The following INKA2 variants were observed in gnomAD, a reference collection of about 807,000 sequenced individuals.
INKA2 encodes the protein inka box actin regulator 2.
In INKA2, 3 loss-of-function variants were observed where a neutral mutation model predicts 9.8. The ratio of observed to expected loss-of-function variants is 0.31; its 90% confidence interval spans 0.14 to 0.79. The LOEUF (loss-of-function observed/expected upper bound fraction) is 0.79, where lower values mean the gene tolerates loss of function less well. INKA2 is among the 30% of genes least tolerant of loss of function. The pLI is 0.62. For synonymous variants in INKA2, 147 were observed against 143.3 expected (o/e 1.03, Z -0.18); for missense variants, 392 against 384.4 (o/e 1.02, Z -0.17).
chr1:111,755,491 G>GT, intron 1 of INKA2: 1 of 585,772 alleles, frequency 1.7e-6, no homozygotes, highest in Non-Finnish European at 3.0e-6. Context: ...TTGGGGAAGA[G>GT]GTGGCCGCGA....
chr1:111,727,301 T>C lies in INKA2; in HGVS notation c.561A>G (p.Ala187=), dbSNP rs773423638. The change falls in exon 2 of 2, where the codon GCA becomes GCG. Residue 187 remains alanine, a synonymous_variant. Transcript: ENST00000357260. The stretch of plus-strand genomic sequence containing the variant: ...GGCCTTTCTCTCCTTTGGGTTCACG[T>C]GCCCCCCCAGTCTCACCCTTCTCCC... ...KGGEKGETGG[A]REPKGEKGQP... is the part of the protein sequence containing the mutation. 6.2e-7 allele frequency: 1 copy of C among 1,614,186 alleles called. No homozygotes were observed. The highest frequency in any genetic ancestry group is 1.7e-5 in the Admixed American group (1 of 60,020).
At chr1:111,739,017 T>C (rs893648812) in intron 1 of INKA2, among the ~76,000 whole-genome samples, 169 bp downstream of exon 1, 1 of 152,044 alleles carries the variant, frequency 6.6e-6, no homozygotes, top group African/African-American at 2.4e-5. Context: ...CGTGGTCCCC[T>C]TTCCTGAGGA....
rs967683914 is a variant in INKA2, at chr1:111,725,751, A to G, written c.*1217T>C. ...ACTGTTTTTTTTTATTTTTTTTGAG[A>G]CAGGGGAGTCTTGCTCTGTCAGCCA... On this transcript the variant is annotated 3_prime_UTR_variant, in exon 2 of 2. Coordinates refer to ENST00000357260, the MANE Select transcript of INKA2 (RefSeq NM_019099.5). 1 of 199,584 alleles carries G rather than the reference A, an allele frequency of 5.0e-6. No homozygotes were observed. Among genetic ancestry groups the G allele is most frequent in the African/African-American group, 2.3e-5 (1 of 42,804 alleles). The allele number at this position is 199,584 out of a possible 1,614,324, so 12.4% of individuals were successfully genotyped here.
At chr1:111,739,005 T>C (rs1663075155) in intron 1 of INKA2, among the ~76,000 whole-genome samples, 181 bp downstream of exon 1, 1 of 152,090 alleles carries the variant, frequency 6.6e-6, no homozygotes, top group South Asian at 2.1e-4. Flanking sequence ...TCAAAGTTTC[T>C]TCGTGGTCCC....
In INKA2 at chr1:111,755,505, G is replaced by A. The variant is rs1557919392; in HGVS notation, n.124+196C>T. 4 of 614,062 alleles carry A rather than the reference G, an allele frequency of 6.5e-6. No individual in the cohort carries two copies. In the East Asian group the frequency reaches 1.2e-4, roughly 19 times the overall value. 38.0% of individuals were successfully genotyped at this position (614,062 alleles called of 1,614,324 possible). ...GTTGGGGAAGAGGTGGCCGCGAAGC[G>A]AGACAGGCCAGCGGAACGGAAAACG... is the stretch of plus-strand genomic sequence containing the variant. On this transcript the variant is annotated intron_variant and non_coding_transcript_variant, in intron 1 of 1. Transcript: ENST00000444059.
intron 1 of INKA2, among the ~76,000 whole-genome samples, chr1:111,729,929 C>G (rs1037726677): frequency 6.6e-6 from 1 of 152,258 alleles, no homozygotes; most frequent in African/African-American, 2.4e-5. Context: ...GCAAGGAGGC[C>G]TTTGCTGGGG....
upstream of INKA2, among the ~76,000 whole-genome samples, chr1:111,741,658 C>G (rs180857515): frequency 6.6e-6 from 1 of 152,336 alleles, no homozygotes; most frequent in African/African-American, 2.4e-5. Context: ...CAGTCTCCAG[C>G]ACGGTAGTCA....
chr1:111,726,913 G>A lies in INKA2; in HGVS notation c.*55C>T. On this transcript the variant is annotated 3_prime_UTR_variant, in exon 2 of 2. Transcript: ENST00000357260. ...CGCCCACCCTCCCTCCTCCCCAGGG[G>A]CCCAGCACTGGGACCTGGCCCTTTC... 6.5e-7 allele frequency: 1 copy of A among 1,531,712 alleles called. No homozygotes were observed. Among genetic ancestry groups the A allele is most frequent in the Admixed American group, 1.8e-5 (1 of 54,904 alleles). The allele number at this position is 1,531,712 out of a possible 1,614,324, so 94.9% of individuals were successfully genotyped here.
intron 1 of INKA2, chr1:111,755,048 T>G (rs1438451906): frequency 1.4e-5 from 2 of 143,032 alleles, no homozygotes; most frequent in East Asian, 4.1e-4. Flanking sequence ...GCTAGCTGCC[T>G]ACGCATGAAA....
intron 1 of INKA2, chr1:111,753,807 A>T (rs1663460786): frequency 6.6e-6 from 1 of 152,272 alleles, no homozygotes; most frequent in Admixed American, 6.5e-5. Flanking sequence ...AATGTGAGGC[A>T]CATACAAGTA....
At chr1:111,730,772 C>T (rs1268579829) in intron 1 of INKA2, among the ~76,000 whole-genome samples, 1 of 151,226 alleles carries the variant, frequency 6.6e-6, no homozygotes, top group Non-Finnish European at 1.5e-5. Context: ...GTATCTACTC[C>T]TTGAGGACAG....
chr1:111,727,906 G>A (rs1471764529), intron 1 of INKA2, 102 bp from the exon 2 acceptor site: 4 of 1,122,762 alleles, frequency 3.6e-6, no homozygotes, highest in Non-Finnish European at 4.0e-6. Context: ...ACACTTCCAG[G>A]GTCATCCAGC....
chr1:111,738,625 G>A (rs573061842), intron 1 of INKA2, among the ~76,000 whole-genome samples: 88 of 152,240 alleles, frequency 5.8e-4, no homozygotes, highest in African/African-American at 1.9e-3. Flanking sequence ...GGCCAAGCCT[G>A]CCCCCGCAGC....
upstream of INKA2, among the ~76,000 whole-genome samples, chr1:111,742,286 C>T (rs527343148): frequency 1.3e-5 from 2 of 152,212 alleles, no homozygotes; most frequent in African/African-American, 4.8e-5. Context: ...CTTTATACTC[C>T]TTACAAAACT....
rs1662785014 is a variant in INKA2, at chr1:111,726,928, C to T, written c.*40G>A. 6.3e-7 allele frequency: 1 copy of T among 1,583,034 alleles called. No homozygotes were observed. Among genetic ancestry groups the T allele is most frequent in the Non-Finnish European group, 8.6e-7 (1 of 1,160,060 alleles). ...CTCCCCAGGGGCCCAGCACTGGGAC[C>T]TGGCCCTTTCAGGCTCAGTCAACTT... On this transcript the variant is annotated 3_prime_UTR_variant, in exon 2 of 2. Transcript: ENST00000357260.
intron 1 of INKA2, among the ~76,000 whole-genome samples, chr1:111,728,903 C>CTTTTTTTTTTTTTTTTT (rs34918562): frequency 1.7e-5 from 2 of 115,572 alleles, no homozygotes; most frequent in African/African-American, 3.4e-5. Context: ...TGGAGCTAGG[C>CTTTTTTTTTTTTTTTTT]TTTTTTTTTT....
intron 1 of INKA2, among the ~76,000 whole-genome samples, chr1:111,748,607 G>C (rs1045483136): frequency 4.6e-5 from 7 of 152,110 alleles, no homozygotes; most frequent in African/African-American, 1.7e-4. Flanking sequence ...ATAAGAAAAA[G>C]GGCAGGCTGA....
chr1:111,731,678 A>G (rs1449962204), intron 1 of INKA2, among the ~76,000 whole-genome samples: 2 of 152,216 alleles, frequency 1.3e-5, no homozygotes, highest in Non-Finnish European at 2.9e-5. Context: ...TAAAATGGGA[A>G]TAACAGTTCC....
intron 1 of INKA2, chr1:111,746,195 C>T (rs1262013593): frequency 6.6e-6 from 1 of 152,242 alleles, no homozygotes; most frequent in East Asian, 1.9e-4. Context: ...GCCAGAGAGG[C>T]AGGACCTTCT....
Sources: gnomAD v4.1 joint callset for allele counts (sites outside exome capture counted in the v4.1 genomes callset) on GRCh38, gnomAD v4.1.1 for gene constraint, MANE v1.5 for transcripts, NCBI Gene and HGNC (gene_info 2026-07-23, HGNC 2026-07-21) for gene names.